CCDC12: variants seen among roughly 807,000 people sequenced by gnomAD.
CCDC12 encodes coiled-coil domain-containing protein 12.
CCDC12 carries 28 observed loss-of-function variants against 25.7 expected under a neutral mutation model. The ratio of observed to expected loss-of-function variants is 1.09; its 90% CI spans 0.81 to 1.50. CCDC12 has a LOEUF of 1.50. Among genes scored for constraint, CCDC12 ranks in the 40% most tolerant of loss-of-function variants. CCDC12 has a pLI of 0.00. For missense variants in CCDC12, 198 were observed against 210.0 expected, an observed-to-expected ratio of 0.94 and a Z score of 0.35; for synonymous variants, 75 against 87.7, an observed-to-expected ratio of 0.86 and a Z score of 0.81.
intron 2 of CCDC12, among the ~76,000 whole-genome samples, chr3:46,929,728 C>T (rs1191299379): frequency 6.6e-6 from 1 of 151,944 alleles, no homozygotes; most frequent in Non-Finnish European, 1.5e-5. Context: ...GACTTTTTTT[C>T]AAGAGATGGG....
chr3:46,944,073 G>A (rs2033816031), intron 1 of CCDC12, among the ~76,000 whole-genome samples: 1 of 152,192 alleles, frequency 6.6e-6, no homozygotes, highest in Non-Finnish European at 1.5e-5. Context: ...ACCACTTGAA[G>A]CTCACCCCTA....
chr3:46,975,841 A>ATTTTTT (rs11356624), intron 1 of CCDC12, among the ~76,000 whole-genome samples: 9 of 70,366 alleles, frequency 1.3e-4, no homozygotes, highest in Non-Finnish European at 2.1e-4. Context: ...TTTATTTTCG[A>ATTTTTT]TTTTTTTTTT....
At chr3:46,967,430 C>T (rs1204780187) in intron 1 of CCDC12, among the ~76,000 whole-genome samples, 1 of 152,154 alleles carries the variant, frequency 6.6e-6, no homozygotes, top group African/African-American at 2.4e-5. Context: ...CCATACCTCC[C>T]ACTGTTCACT....
rs144591612 is a variant in CCDC12 at position 46,928,260 on chromosome 3, A to G, written c.165-2725T>C. Reference sequence around the variant, plus strand: ...TGTCTCAAAAAAAAAAAATGTATATATATGTATTTTAAATGGCTTTAGAGA... The same window carrying G: ...TGTCTCAAAAAAAAAAAATGTATATGTATGTATTTTAAATGGCTTTAGAGA... On this transcript the variant is annotated intron_variant, in intron 2 of 6. Coordinates refer to ENST00000683445, the MANE Select transcript of CCDC12 (RefSeq NM_001277074.2). Among the ~76,000 whole-genome samples the G allele has an allele frequency of 1.0e-3, 153 of 152,236 alleles. 4 individuals are homozygous for G. The East Asian group carries it at 0.026, about 26-fold the overall frequency.
chr3:46,944,985 C>A (rs1412264921), intron 1 of CCDC12, among the ~76,000 whole-genome samples: 1 of 152,232 alleles, frequency 6.6e-6, no homozygotes, highest in Non-Finnish European at 1.5e-5. Flanking sequence ...AGAAAACACA[C>A]CATCTGGCCA....
intron 2 of CCDC12, among the ~76,000 whole-genome samples, chr3:46,926,431 A>C (rs1350520033): frequency 6.6e-6 from 1 of 152,224 alleles, no homozygotes; most frequent in Non-Finnish European, 1.5e-5. Flanking sequence ...GAGAGGAGCC[A>C]CAAGGGGCCA....
upstream of CCDC12, among the ~76,000 whole-genome samples, chr3:46,980,102 C>T (rs2035212917): frequency 6.6e-6 from 1 of 152,124 alleles, no homozygotes; most frequent in Non-Finnish European, 1.5e-5. Context: ...GCCTCTGGCA[C>T]TTATGCCTTG....
chr3:46,931,130 G>T (rs1030562240), intron 2 of CCDC12, among the ~76,000 whole-genome samples: 5 of 152,222 alleles, frequency 3.3e-5, no homozygotes, highest in African/African-American at 1.2e-4. Flanking sequence ...GGCCGGGGCA[G>T]CCAACCCCTA....
intron 2 of CCDC12, among the ~76,000 whole-genome samples, chr3:46,927,986 C>T (rs1379756162): frequency 6.6e-6 from 1 of 152,164 alleles, no homozygotes; most frequent in Non-Finnish European, 1.5e-5. Context: ...GCCTTTCCAA[C>T]ACAGGCCCAA....
intron 3 of CCDC12, 63 bp from the exon 4 acceptor site, chr3:46,923,731 TGCCTACC>T: frequency 7.5e-7 from 1 of 1,329,614 alleles, no homozygotes. Flanking sequence ...GCAGGGACAC[TGCCTACC>T]GTGGCCCCCA....
At chr3:46,929,416 T>C (rs934235630) in intron 2 of CCDC12, among the ~76,000 whole-genome samples, 2 of 152,190 alleles carry the variant, frequency 1.3e-5, no homozygotes, top group African/African-American at 4.8e-5. Flanking sequence ...CCTTACAGTG[T>C]CCGGGGCCAC....
rs570842019 is a variant in CCDC12, at chr3:46,941,588, A to G, written c.97-523T>C. On this transcript the variant is annotated intron_variant, in intron 1 of 6. Coordinates refer to ENST00000683445, the MANE Select transcript of CCDC12 (RefSeq NM_001277074.2). ...TCAAAAAAAAAAAAAAGCAACAAAA[A>G]AAGTCCGTAACTCCAGCCCAGTCCC... Among the ~76,000 whole-genome samples the G allele has an allele frequency of 2.6e-5, 4 of 151,992 alleles. 1 individual carries two copies. The East Asian group carries it at 7.8e-4, about 29-fold the overall frequency.
intron 2 of CCDC12, among the ~76,000 whole-genome samples, chr3:46,933,904 T>C (rs1322549600): frequency 1.3e-5 from 2 of 148,824 alleles, no homozygotes; most frequent in Non-Finnish European, 3.0e-5. Context: ...AAATCTATAA[T>C]TTATGTAAAT....
chr3:46,924,751 G>A (rs1043316292), intron 3 of CCDC12, among the ~76,000 whole-genome samples: 14 of 152,236 alleles, frequency 9.2e-5, no homozygotes, highest in African/African-American at 3.1e-4. Flanking sequence ...AGGAGGCTGA[G>A]GTTACAGTGA....
intron 2 of CCDC12, among the ~76,000 whole-genome samples, chr3:46,929,992 C>G (rs2107113810): frequency 7.7e-6 from 1 of 129,934 alleles, no homozygotes; most frequent in African/African-American, 2.9e-5. Context: ...GATGGTGCCA[C>G]TGCACTCCAG....
At chr3:46,923,948 CA>C (rs2032823264) in intron 3 of CCDC12, 2 of 357,552 alleles carry the variant, frequency 5.6e-6, no homozygotes, top group Admixed American at 9.2e-5. Flanking sequence ...ACAATAACTA[CA>C]AGACCAGAGA....
chr3:46,961,717 T>C (rs928839034), intron 1 of CCDC12, among the ~76,000 whole-genome samples: 17 of 152,370 alleles, frequency 1.1e-4, no homozygotes, highest in East Asian at 3.9e-4. Context: ...AATTGGGACT[T>C]AGAAGCATGA....
intron 2 of CCDC12, 42 bp downstream of exon 2, chr3:46,940,956 C>A: frequency 6.3e-7 from 1 of 1,593,922 alleles, no homozygotes; most frequent in Non-Finnish European, 8.6e-7. Context: ...CCGATGAGTG[C>A]TGGAGGAGAG....
At position 46,921,882 on chromosome 3, in the gene CCDC12, G is replaced by A. The variant is rs1418846928; in HGVS notation, c.*175C>T. The A allele has an allele frequency of 1.5e-6, 1 of 653,168 alleles. No individual in the cohort carries two copies. Among genetic ancestry groups the A allele is most frequent in the Non-Finnish European group, 2.6e-6 (1 of 380,710 alleles). The allele number at this position is 653,168 out of a possible 1,614,324, so 40.5% of individuals were successfully genotyped here. A position where few individuals can be genotyped will look rare whatever the true frequency, so the allele number is the denominator to read the frequency against. ...GTTCTGCCTCCATTCAGAATGGCAG[G>A]GGCCACCCAGCAGACAAGGAGCTGA... On this transcript the variant is annotated 3_prime_UTR_variant, in exon 7 of 7. Transcript: ENST00000683445.
Sources: gnomAD v4.1 joint callset for allele counts (sites outside exome capture counted in the v4.1 genomes callset) on GRCh38, gnomAD v4.1.1 for gene constraint, MANE v1.5 for transcripts, NCBI Gene and HGNC (gene_info 2026-07-23, HGNC 2026-07-21) for gene names.